ERBB4: variants seen among roughly 807,000 people sequenced by gnomAD.
ERBB4 encodes the protein receptor tyrosine-protein kinase erbB-4.
ERBB4 carries 42 observed loss-of-function variants against 158.0 expected under a neutral mutation model. That is an observed-to-expected ratio of 0.27 (90% CI 0.21 to 0.34). ERBB4 has a LOEUF of 0.34. ERBB4 is among the 10% of genes least tolerant of loss of function. The probability of loss-of-function intolerance (pLI) is 1.00; values close to 1 mark genes in which losing one functional copy is unlikely to be tolerated. For missense variants in ERBB4, 1,333 were observed against 1,624.1 expected (o/e 0.82, Z 3.08); for synonymous variants, 583 against 558.7 (o/e 1.04, Z -0.61).
intron 1 of ERBB4, among the ~76,000 whole-genome samples, chr2:212,518,713 A>C (rs1407419861): frequency 6.6e-6 from 1 of 152,070 alleles, no homozygotes; most frequent in Non-Finnish European, 1.5e-5. Flanking sequence ...CAAGTTGTTA[A>C]ATGCACTTGT....
At chr2:212,454,244 C>T (rs557056055) in intron 1 of ERBB4, among the ~76,000 whole-genome samples, 2 of 152,100 alleles carry the variant, frequency 1.3e-5, no homozygotes, top group African/African-American at 2.4e-5. Flanking sequence ...TGGCTATATT[C>T]CTTAACTTCT....
At chr2:211,811,128 G>T (rs1178716434) in intron 3 of ERBB4, among the ~76,000 whole-genome samples, 2 of 152,096 alleles carry the variant, frequency 1.3e-5, no homozygotes, top group Non-Finnish European at 2.9e-5. Flanking sequence ...TTACAATTTG[G>T]CATGTTTTTG....
At chr2:211,821,621 AG>A (rs2076996699) in intron 3 of ERBB4, among the ~76,000 whole-genome samples, 1 of 152,038 alleles carries the variant, frequency 6.6e-6, no homozygotes, top group Non-Finnish European at 1.5e-5. Context: ...ACAAAGCTCT[AG>A]TAACCAAAAC....
At chr2:212,476,911 T>C (rs1689434452) in intron 1 of ERBB4, among the ~76,000 whole-genome samples, 1 of 152,124 alleles carries the variant, frequency 6.6e-6, no homozygotes, top group Non-Finnish European at 1.5e-5. Context: ...TATAGAATTA[T>C]GAAGATCTTA....
At chr2:211,783,033 A>G (rs1023147009) in intron 4 of ERBB4, among the ~76,000 whole-genome samples, 2 of 141,370 alleles carry the variant, frequency 1.4e-5, no homozygotes, top group Non-Finnish European at 3.1e-5. Context: ...TTTGTGTCCT[A>G]TTTTATTTCA....
At chr2:212,377,588 G>C (rs2090367970) in intron 1 of ERBB4, among the ~76,000 whole-genome samples, 1 of 151,888 alleles carries the variant, frequency 6.6e-6, no homozygotes, top group South Asian at 2.1e-4. Context: ...TGGTACACCT[G>C]TCTAGGGGAC....
At chr2:212,088,262 T>G (rs1276996540) in intron 2 of ERBB4, among the ~76,000 whole-genome samples, 2 of 152,152 alleles carry the variant, frequency 1.3e-5, no homozygotes, top group African/African-American at 4.8e-5. Context: ...AGAAGTTTCC[T>G]ATTACAGGTA....
intron 4 of ERBB4, among the ~76,000 whole-genome samples, chr2:211,752,015 T>C (rs1358235179): frequency 6.6e-6 from 1 of 152,190 alleles, no homozygotes; most frequent in African/African-American, 2.4e-5. Context: ...GCCGCTGACA[T>C]CACCAGTGTA....
chr2:212,148,418 A>G (rs1296288173), intron 1 of ERBB4, among the ~76,000 whole-genome samples: 1 of 152,172 alleles, frequency 6.6e-6, no homozygotes, highest in East Asian at 1.9e-4. Flanking sequence ...TGTTTTCTGA[A>G]TTCCTTTATG....
In ERBB4 at chr2:212,538,690, G is replaced by C. The variant is rs1438040853; in HGVS notation, c.-160C>G. ...GGCGACTCCCAGGGCGGGCGACCGA[G>C]TCCGCGCCCGCGGGTCCAGGGCCGG... On this transcript the variant is annotated 5_prime_UTR_variant, in exon 1 of 28. Transcript: ENST00000342788. 1.6e-5 allele frequency: 8 copies of C among 507,836 alleles called. No homozygotes were observed. Among genetic ancestry groups the C allele is most frequent in the Non-Finnish European group, 2.6e-5 (8 of 308,916 alleles). The allele number at this position is 507,836 out of a possible 1,614,324, so 31.5% of individuals were successfully genotyped here.
chr2:212,098,309 T>C (rs1352645865), intron 2 of ERBB4, among the ~76,000 whole-genome samples: 1 of 152,200 alleles, frequency 6.6e-6, no homozygotes. Flanking sequence ...GGGAGACTTT[T>C]CTTCCAGGCT....
chr2:211,561,787 A>T (rs1446788913), intron 20 of ERBB4, 116 bp downstream of exon 20: 4 of 933,426 alleles, frequency 4.3e-6, no homozygotes, highest in Non-Finnish European at 5.2e-6. Context: ...CATTGCAGCA[A>T]ATATACTTTA....
intron 1 of ERBB4, among the ~76,000 whole-genome samples, chr2:212,402,694 T>C (rs1304673004): frequency 3.3e-5 from 5 of 152,122 alleles, no homozygotes; most frequent in African/African-American, 4.8e-5. Context: ...AGTCAGTAAT[T>C]TGCATAAGTG....
chr2:211,709,251 A>C, intron 9 of ERBB4, among the ~76,000 whole-genome samples: 1 of 63,152 alleles, frequency 1.6e-5, no homozygotes, highest in African/African-American at 7.6e-5. Flanking sequence ...ATATATATAT[A>C]CACATATATA....
intron 1 of ERBB4, among the ~76,000 whole-genome samples, chr2:212,356,047 CCAGAGG>C (rs1313971501): frequency 6.6e-6 from 1 of 151,896 alleles, no homozygotes; most frequent in Non-Finnish European, 1.5e-5. Context: ...AAATAAACTC[CCAGAGG>C]GTATAAAACA....
intron 3 of ERBB4, among the ~76,000 whole-genome samples, chr2:211,845,712 CTG>C (rs1165808380): frequency 6.6e-6 from 1 of 152,154 alleles, no homozygotes; most frequent in Non-Finnish European, 1.5e-5. Context: ...AAAGAAGACT[CTG>C]TATTTTATGT....
At chr2:212,533,973 G>A (rs979582573) in intron 1 of ERBB4, among the ~76,000 whole-genome samples, 1 of 152,036 alleles carries the variant, frequency 6.6e-6, no homozygotes, top group Non-Finnish European at 1.5e-5. Context: ...TCTCAAAACT[G>A]GTAAAATTAA....
At chr2:212,087,405 C>G (rs1026995767) in intron 2 of ERBB4, among the ~76,000 whole-genome samples, 7 of 152,072 alleles carry the variant, frequency 4.6e-5, no homozygotes, top group Admixed American at 6.6e-5. Context: ...ACTAACGCCA[C>G]CAATTTCTAA....
chr2:212,423,584 T>C (rs1348440989), intron 1 of ERBB4, among the ~76,000 whole-genome samples: 1 of 152,198 alleles, frequency 6.6e-6, no homozygotes, highest in African/African-American at 2.4e-5. Flanking sequence ...TGTATAAAGC[T>C]TCTGGGTTAG....
Sources: allele counts gnomAD v4.1 joint callset (sites outside exome capture counted in the v4.1 genomes callset), GRCh38; gene constraint gnomAD v4.1.1; transcripts MANE v1.5; gene names NCBI Gene and HGNC (gene_info 2026-07-23, HGNC 2026-07-21).